Variants in CHD1L observed in about 807,000 individuals in gnomAD.
The protein encoded by CHD1L is ATP-dependent chromatin remodeler CHD1L.
CHD1L carries 118 observed loss-of-function variants against 115.9 expected under a neutral mutation model. The observed-to-expected ratio is 1.02, with a 90% confidence interval of 0.88 to 1.19. The LOEUF (loss-of-function observed/expected upper bound fraction) is 1.19, where lower values mean the gene tolerates loss of function less well. Ranked by LOEUF, CHD1L falls within the 50% of genes most tolerant of loss-of-function variation. The pLI, the probability that CHD1L is intolerant of heterozygous loss-of-function variation, is 0.00. For missense variants in CHD1L, 1,179 were observed against 1,065.3 expected, an observed-to-expected ratio of 1.11 and a Z score of -1.49; for synonymous variants, 411 against 387.1, an observed-to-expected ratio of 1.06 and a Z score of -0.72.
the CHD1L span, among the ~76,000 whole-genome samples, chr1:147,233,226 C>G: frequency 3.3e-5 from 5 of 151,586 alleles, no homozygotes; most frequent in Admixed American, 2.6e-4. Flanking sequence ...CGCCTGGCAA[C>G]TGCCCCATCT....
the CHD1L span, chr1:147,201,331 T>G: frequency 6.2e-7 from 1 of 1,614,154 alleles, no homozygotes; most frequent in Non-Finnish European, 8.5e-7. Flanking sequence ...AAATGGAAAG[T>G]CAAAGCTATA....
intron 15 of CHD1L, among the ~76,000 whole-genome samples, chr1:147,282,959 C>A (rs1681500214): frequency 6.6e-6 from 1 of 152,110 alleles, no homozygotes; most frequent in African/African-American, 2.4e-5. Flanking sequence ...AGACGCGGGT[C>A]TAGGCTTGTG....
At chr1:147,186,723 T>A in the CHD1L span, 1 of 1,427,232 alleles carries the variant, frequency 7.0e-7, no homozygotes, top group Non-Finnish European at 9.1e-7. Context: ...GGAGATGAGT[T>A]AATACAAATG....
At chr1:147,203,578 C>T in the CHD1L span, 2 of 1,035,488 alleles carry the variant, frequency 1.9e-6, no homozygotes, top group Non-Finnish European at 3.1e-6. Context: ...GTATTTCTGC[C>T]AGTGCACGGG....
chr1:147,264,374 G>A (rs1553946380), intron 6 of CHD1L, 48 bp from the exon 7 acceptor site: 17 of 1,472,074 alleles, frequency 1.2e-5, no homozygotes, highest in Non-Finnish European at 1.6e-5. Flanking sequence ...ACTCAGCCTT[G>A]CATTCCAGTG....
chr1:147,201,235 G>A, the CHD1L span: 23 of 1,614,046 alleles, frequency 1.4e-5, no homozygotes, highest in Middle Eastern at 1.6e-4. Flanking sequence ...GCCTATGATT[G>A]CAAGAGTTGG....
the CHD1L span, chr1:147,209,143 G>A: frequency 0.011 from 11,582 of 1,096,532 alleles, 173 homozygotes; most frequent in South Asian, 0.048. Context: ...TTTCAGGCCC[G>A]GCGCGGTGGC....
intron 14 of CHD1L, among the ~76,000 whole-genome samples, chr1:147,278,243 T>TTTTTTTG (rs1284406926): frequency 6.8e-6 from 1 of 146,178 alleles, no homozygotes; most frequent in Non-Finnish European, 1.5e-5. Context: ...TTTTTTTTTT[T>TTTTTTTG]GAGACAGAGT....
At position 147,287,676 on chromosome 1, in the gene CHD1L, C is replaced by A; in HGVS notation, c.2263C>A (p.Leu755Met). The A allele has an allele frequency of 6.2e-7, 1 of 1,613,974 alleles. No individual in the cohort carries two copies. ...GGGCAGAGGTGGTTTATTTACAGCT[C>A]TGGAAAAGCGATCCGCTGAGCCAAG... ...HWGRGGLFTA[L>M]EKRSAEPRKI... Residue 755 changes from leucine (L) to methionine (M), a missense_variant, in exon 19 of 23, where the codon CTG becomes ATG. Leu to Met is a conservative substitution (Grantham distance 15). Transcript: ENST00000369258.
intron 20 of CHD1L, among the ~76,000 whole-genome samples, chr1:147,292,593 A>T (rs587701458): frequency 6.6e-6 from 1 of 152,352 alleles, no homozygotes; most frequent in South Asian, 2.1e-4. Context: ...TTATTTGCTC[A>T]TGCTTCTGCA....
the CHD1L span, among the ~76,000 whole-genome samples, chr1:147,229,125 G>C: frequency 1.3e-5 from 2 of 152,094 alleles, no homozygotes; most frequent in Non-Finnish European, 2.9e-5. Context: ...TTTTCTTCTA[G>C]GGTTTTTATG....
rs1199244352 is a variant in CHD1L, at chr1:147,291,421, G to C, written c.2321-61G>C. The C allele has an allele frequency of 3.0e-6, 4 of 1,350,170 alleles. No individual in the cohort carries two copies. The East Asian group carries it at 9.2e-5, about 31-fold the overall frequency. The allele number at this position is 1,350,170 out of a possible 1,614,324, so 83.6% of individuals were successfully genotyped here. On this transcript the variant is annotated intron_variant, in intron 19 of 22. Transcript: ENST00000369258. ...GAATTTGAAGAAGGCGAGATACGAG[G>C]AGGATTCATTCATTAGTGAACTTGG...
At chr1:147,190,522 T>C in the CHD1L span, among the ~76,000 whole-genome samples, 2 of 152,090 alleles carry the variant, frequency 1.3e-5, no homozygotes, top group South Asian at 2.1e-4. Flanking sequence ...AGTCTTTCAG[T>C]TGGGAAATGA....
chr1:147,278,293 C>G (rs1679392060), intron 14 of CHD1L, among the ~76,000 whole-genome samples: 1 of 126,064 alleles, frequency 7.9e-6, no homozygotes, highest in Non-Finnish European at 1.6e-5. Flanking sequence ...GGCGCGATCT[C>G]AGCTCACTGC....
the CHD1L span, among the ~76,000 whole-genome samples, chr1:147,234,173 C>T: frequency 1.3e-5 from 2 of 152,210 alleles, no homozygotes; most frequent in Non-Finnish European, 2.9e-5. Context: ...TTCTCACCAC[C>T]TGATTCTCTG....
the CHD1L span, chr1:147,179,257 G>A: frequency 6.2e-7 from 1 of 1,612,126 alleles, no homozygotes; most frequent in Non-Finnish European, 8.5e-7. Context: ...GAAGGTAGTG[G>A]TAGCAGAGAA....
At chr1:147,201,507 G>C in the CHD1L span, 1 of 1,596,910 alleles carries the variant, frequency 6.3e-7, no homozygotes, top group African/African-American at 1.3e-5. Flanking sequence ...TCAGAGCTCT[G>C]TGAGTCGTGA....
chr1:147,275,543 C>T (rs1678065359), intron 13 of CHD1L, 75 bp downstream of exon 13: 1 of 1,157,396 alleles, frequency 8.6e-7, no homozygotes, highest in East Asian at 2.4e-5. Context: ...AGAATATAGT[C>T]CTGGTGACAG....
chr1:147,244,797 G>A (rs1285997070), intron 1 of CHD1L, among the ~76,000 whole-genome samples: 2 of 1,858 alleles, frequency 1.1e-3, no homozygotes, highest in East Asian at 0.026. Flanking sequence ...TTGGTATTTA[G>A]GTTCTTTTTT....
Sources: allele counts gnomAD v4.1 joint callset (sites outside exome capture counted in the v4.1 genomes callset), GRCh38; gene constraint gnomAD v4.1.1; transcripts MANE v1.5; gene names NCBI Gene and HGNC (gene_info 2026-07-23, HGNC 2026-07-21).